The following PCDH15 variants were observed in gnomAD, a reference collection of about 807,000 sequenced individuals.
PCDH15 encodes protocadherin related 15.
PCDH15 carries 129 observed loss-of-function variants against 178.5 expected under a neutral mutation model. The ratio of observed to expected loss-of-function variants is 0.72; its 90% CI spans 0.63 to 0.84. PCDH15 has a LOEUF of 0.84. Among genes scored for constraint, PCDH15 ranks in the 40% least tolerant of loss-of-function variants. The pLI is 0.00. For synonymous variants in PCDH15, 800 were observed against 732.0 expected, an observed-to-expected ratio of 1.09 and a Z score of -1.50; for missense variants, 2,230 against 2,099.9, an observed-to-expected ratio of 1.06 and a Z score of -1.21.
At chr10:55,252,851 C>A (rs1220544569) in intron 1 of PCDH15, among the ~76,000 whole-genome samples, 1 of 151,754 alleles carries the variant, frequency 6.6e-6, no homozygotes, top group Non-Finnish European at 1.5e-5. Context: ...AATTTAGTCA[C>A]TAAAGAAACC....
At chr10:55,194,474 T>C (rs1840028677) in intron 1 of PCDH15, among the ~76,000 whole-genome samples, 1 of 152,080 alleles carries the variant, frequency 6.6e-6, no homozygotes, top group Non-Finnish European at 1.5e-5. Flanking sequence ...AATAAAACTT[T>C]CCTTAAATTG....
intron 2 of PCDH15, among the ~76,000 whole-genome samples, chr10:55,440,330 A>G (rs1839149636): frequency 6.6e-6 from 1 of 152,196 alleles, no homozygotes; most frequent in African/African-American, 2.4e-5. Flanking sequence ...ACCTTGACAC[A>G]TTTCTCTTAG....
intron 3 of PCDH15, among the ~76,000 whole-genome samples, chr10:54,426,871 A>G (rs1372862724): frequency 6.6e-6 from 1 of 152,064 alleles, no homozygotes. Flanking sequence ...ATAGTAAGCA[A>G]TTATGGATTA....
chr10:55,500,636 C>G (rs1173785225), intron 2 of PCDH15, among the ~76,000 whole-genome samples: 1 of 151,756 alleles, frequency 6.6e-6, no homozygotes, highest in Admixed American at 6.6e-5. Context: ...ATTGATCTCA[C>G]ATAGAATAGT....
chr10:54,379,858 C>CA (rs1281455684), intron 3 of PCDH15, among the ~76,000 whole-genome samples: 3 of 151,602 alleles, frequency 2.0e-5, no homozygotes, highest in Non-Finnish European at 4.4e-5. Context: ...ATGTAGCCTC[C>CA]AAAAAAACAC....
At chr10:55,108,434 T>C (rs1172850178) in intron 2 of PCDH15, among the ~76,000 whole-genome samples, 1 of 152,138 alleles carries the variant, frequency 6.6e-6, no homozygotes, top group East Asian at 1.9e-4. Flanking sequence ...CTGTAAAATA[T>C]GCAACAAAAA....
intron 1 of PCDH15, among the ~76,000 whole-genome samples, chr10:55,258,014 C>G (rs1458109518): frequency 2.0e-5 from 3 of 152,206 alleles, no homozygotes; most frequent in Non-Finnish European, 2.9e-5. Flanking sequence ...ATCAGACTAA[C>G]AGCTGATCTC....
intron 3 of PCDH15, among the ~76,000 whole-genome samples, chr10:54,887,854 T>C (rs1266566492): frequency 6.6e-6 from 1 of 152,134 alleles, no homozygotes; most frequent in Non-Finnish European, 1.5e-5. Context: ...CTTATTTCCA[T>C]TCAACAATGA....
chr10:54,390,113 T>G (rs971312976), intron 3 of PCDH15, among the ~76,000 whole-genome samples: 3 of 152,114 alleles, frequency 2.0e-5, no homozygotes, highest in Non-Finnish European at 4.4e-5. Context: ...TAACGCCACT[T>G]TTCATTGTGG....
At chr10:55,230,145 A>G (rs1370864448) in intron 1 of PCDH15, among the ~76,000 whole-genome samples, 1 of 152,056 alleles carries the variant, frequency 6.6e-6, no homozygotes, top group Non-Finnish European at 1.5e-5. Context: ...GTATGAGAAC[A>G]TTACCTTTTA....
intron 2 of PCDH15, among the ~76,000 whole-genome samples, chr10:54,975,203 T>C (rs1476604598): frequency 1.3e-5 from 2 of 152,198 alleles, no homozygotes; most frequent in Non-Finnish European, 2.9e-5. Flanking sequence ...GCTTTTCCTA[T>C]TAGATTTTCG....
intron 3 of PCDH15, among the ~76,000 whole-genome samples, chr10:54,488,839 T>C (rs967304753): frequency 6.6e-6 from 1 of 151,958 alleles, no homozygotes; most frequent in Non-Finnish European, 1.5e-5. Context: ...TCAAAAAATG[T>C]AGTAGAATAT....
chr10:54,503,944 G>A lies in PCDH15; in HGVS notation c.157+23868C>T, dbSNP rs140616678. Among the ~76,000 whole-genome samples, 675 of 152,110 alleles carry A rather than the reference G, an allele frequency of 4.4e-3. 4 individuals are homozygous for A. The highest frequency in any genetic ancestry group is 0.016 in the African/African-American group (659 of 41,528). On this transcript the variant is annotated intron_variant, in intron 3 of 37. Transcript: ENST00000644397. ...TGCCTGAGGCCAATGCACAGTGTCC[G>A]GAATTTTCCTCTTAAATGTGAACTG...
intron 23 of PCDH15, among the ~76,000 whole-genome samples, chr10:53,959,088 T>G (rs2087967503): frequency 6.7e-6 from 1 of 148,210 alleles, no homozygotes; most frequent in Non-Finnish European, 1.5e-5. Flanking sequence ...GTATATATAC[T>G]AACCATAAAC....
At chr10:55,103,116 T>C (rs1296987374) in intron 2 of PCDH15, among the ~76,000 whole-genome samples, 3 of 150,434 alleles carry the variant, frequency 2.0e-5, no homozygotes, top group Non-Finnish European at 1.5e-5. Context: ...TTTTTCTTTT[T>C]TTTTTTTTTT....
At position 53,951,996 on chromosome 10, in the gene PCDH15, G is replaced by A. The variant is rs2087108209; in HGVS notation, c.3122+7736C>T. Among the ~76,000 whole-genome samples the A allele has an allele frequency of 1.3e-5, 2 of 152,194 alleles. 1 individual carries two copies. Among genetic ancestry groups the A allele is most frequent in the South Asian group, 4.1e-4 (2 of 4,830 alleles). On this transcript the variant is annotated intron_variant, in intron 23 of 37. Coordinates refer to ENST00000644397, the MANE Select transcript of PCDH15 (RefSeq NM_001384140.1). ...TGGTGCACTGCAAGCAGATTCCACTGAAGGCACCCATGTCTGGATGAGGAG... is the reference window on the plus strand; with the variant it reads ...TGGTGCACTGCAAGCAGATTCCACTAAAGGCACCCATGTCTGGATGAGGAG...
intron 2 of PCDH15, among the ~76,000 whole-genome samples, chr10:55,626,886 C>T: frequency 6.6e-6 from 1 of 151,946 alleles, no homozygotes; most frequent in East Asian, 1.9e-4. Context: ...CTGTATATTG[C>T]AAAAGTGTTC....
At chr10:53,866,554 A>G (rs1246196360) in intron 27 of PCDH15, 88 bp downstream of exon 27, 1 of 986,402 alleles carries the variant, frequency 1.0e-6, no homozygotes, top group Non-Finnish European at 1.6e-6. Flanking sequence ...CCCGTTTTAA[A>G]TTAATCTTAG....
chr10:54,421,847 C>A (rs77698775), intron 3 of PCDH15, among the ~76,000 whole-genome samples: 4 of 93,498 alleles, frequency 4.3e-5, no homozygotes, highest in Admixed American at 2.1e-4. Context: ...TACACACACA[C>A]TATATATATA....
Sources: gnomAD v4.1 joint callset for allele counts (sites outside exome capture counted in the v4.1 genomes callset) on GRCh38, gnomAD v4.1.1 for gene constraint, MANE v1.5 for transcripts, NCBI Gene and HGNC (gene_info 2026-07-23, HGNC 2026-07-21) for gene names.